The following NT5C3B variants were observed in gnomAD, a reference collection of about 807,000 sequenced individuals.
The protein encoded by NT5C3B is 7-methylguanosine phosphate-specific 5'-nucleotidase.
In NT5C3B, 28 loss-of-function variants were observed where a neutral mutation model predicts 32.5. That is an observed-to-expected ratio of 0.86 (90% confidence interval 0.64 to 1.18). The LOEUF (loss-of-function observed/expected upper bound fraction) is 1.18. Ranked by LOEUF, NT5C3B falls within the 50% of genes most tolerant of loss-of-function variation. The pLI, the probability that NT5C3B is intolerant of heterozygous loss-of-function variation, is 0.00. For missense variants in NT5C3B, 317 were observed against 322.0 expected, an observed-to-expected ratio of 0.98 and a Z score of 0.12; for synonymous variants, 138 against 118.0, an observed-to-expected ratio of 1.17 and a Z score of -1.10.
chr17:41,827,395 T>C (rs1567859872), intron 8 of NT5C3B, 31 bp downstream of exon 8: 2 of 863,562 alleles, frequency 2.3e-6, no homozygotes, highest in Non-Finnish European at 4.0e-6. Context: ...AAGAAAGACA[T>C]GAAGAGAAGC....
At position 41,825,402 on chromosome 17, in the gene NT5C3B, G is replaced by A. The variant is rs1394482373; in HGVS notation, c.*121C>T. On this transcript the variant is annotated 3_prime_UTR_variant, in exon 9 of 9. Transcript: ENST00000435506. ...TGCTCAGGGAAAGGAGGACGGAGGGGCGCGGAAGGACCCAGCCACTGCTGG... is the reference window on the plus strand; with the variant it reads ...TGCTCAGGGAAAGGAGGACGGAGGGACGCGGAAGGACCCAGCCACTGCTGG... 1.6e-5 allele frequency: 11 copies of A among 684,392 alleles called. 1 individual carries two copies. The highest frequency in any genetic ancestry group is 1.4e-4 in the East Asian group (5 of 36,698). 42.4% of individuals were successfully genotyped at this position (684,392 alleles called of 1,614,324 possible).
chr17:41,835,854 G>T lies in NT5C3B; in HGVS notation c.111+5C>A, dbSNP rs1555619855. On this transcript the variant is annotated splice_donor_5th_base_variant and intron_variant, in intron 2 of 8. Transcript: ENST00000435506. ...CCGGCCGGCCCCCGCACGCCCCAGA[G>T]GTACCTGTAACCGGTCTCCGCCGCC... is the stretch of plus-strand genomic sequence containing the variant. 6.2e-7 allele frequency: 1 copy of T among 1,606,270 alleles called. No homozygotes were observed. Among genetic ancestry groups the T allele is most frequent in the African/African-American group, 1.3e-5 (1 of 74,794 alleles).
intron 4 of NT5C3B, among the ~76,000 whole-genome samples, chr17:41,834,571 A>AC (rs1555619513): frequency 6.6e-6 from 1 of 152,078 alleles, no homozygotes; most frequent in Non-Finnish European, 1.5e-5. Flanking sequence ...ACATAGTGAG[A>AC]CCCCATCTCT....
chr17:41,830,289 T>C (rs1423275103), intron 6 of NT5C3B, among the ~76,000 whole-genome samples: 1 of 152,194 alleles, frequency 6.6e-6, no homozygotes, highest in Non-Finnish European at 1.5e-5. Context: ...GGTGGGCGGA[T>C]CACAAGGTCA....
At chr17:41,829,028 T>C in intron 6 of NT5C3B, 76 bp from the exon 7 acceptor site, 1 of 1,403,140 alleles carries the variant, frequency 7.1e-7, no homozygotes, top group East Asian at 2.3e-5. Flanking sequence ...GGTTGTTTTT[T>C]GGGTTTTTTG....
chr17:41,831,980 C>T (rs1337914099), intron 5 of NT5C3B, among the ~76,000 whole-genome samples: 1 of 152,092 alleles, frequency 6.6e-6, no homozygotes, highest in Non-Finnish European at 1.5e-5. Context: ...CTCTTCAGCC[C>T]AGGCAGTTGA....
In NT5C3B at chr17:41,825,651, C is replaced by T; in HGVS notation, c.775G>A (p.Glu259Lys). Residue 259 changes from glutamate (E) to lysine (K), a missense_variant, in exon 9 of 9, where the codon GAG becomes AAG. Glu to Lys is a moderately conservative substitution (Grantham distance 56, BLOSUM62 1). Coordinates refer to ENST00000435506, the MANE Select transcript of NT5C3B (RefSeq NM_052935.5). Reference protein sequence around the residue: ...KIGFLNDKVEERRERYMDSYD... With the variant: ...KIGFLNDKVEKRRERYMDSYD... Reference sequence around the variant, plus strand: ...GAGTCCATGTAGCGCTCCCGCCGCTCCTCCACCTGCCCGGAATGAGAGGCA... The same window carrying T: ...GAGTCCATGTAGCGCTCCCGCCGCTTCTCCACCTGCCCGGAATGAGAGGCA... The T allele has an allele frequency of 1.1e-6, 1 of 872,828 alleles. No homozygotes were observed. The allele number at this position is 872,828 out of a possible 1,614,324, so 54.1% of individuals were successfully genotyped here. A position where few individuals can be genotyped will look rare whatever the true frequency, so the allele number is the denominator to read the frequency against.
intron 4 of NT5C3B, 45 bp from the exon 5 acceptor site, chr17:41,832,522 T>C (rs1555619196): frequency 1.3e-6 from 2 of 1,558,592 alleles, no homozygotes; most frequent in Admixed American, 3.4e-5. Context: ...CCATATCAAG[T>C]TCTTCCCAGC....
At chr17:41,831,211 T>C (rs886084246) in intron 5 of NT5C3B, among the ~76,000 whole-genome samples, 11 of 150,026 alleles carry the variant, frequency 7.3e-5, no homozygotes, top group African/African-American at 2.7e-4. Context: ...CCCAGCTACT[T>C]GGGAGGCTGA....
intron 4 of NT5C3B, 83 bp downstream of exon 4, chr17:41,834,987 T>C: frequency 7.4e-7 from 1 of 1,348,272 alleles, no homozygotes; most frequent in Non-Finnish European, 1.1e-6. Context: ...AAGGTCTCTA[T>C]ACTGGAATCT....
chr17:41,831,319 C>CAAA (rs71155172), intron 5 of NT5C3B, among the ~76,000 whole-genome samples: 40 of 110,104 alleles, frequency 3.6e-4, no homozygotes, highest in East Asian at 8.1e-4. Context: ...GACTCCATCT[C>CAAA]AAAAAAAAAA....
rs2048127530 is a variant in NT5C3B, at chr17:41,835,255, G to A, written c.129C>T (p.Asp43=). ...GDRLQVISDF[D]MTLSRFAYNG... ...TATATGCAAACCTGCTCAAGGTCAT[G>A]TCAAAATCAGAAATCACCTATAAGG... The change falls in exon 3 of 9, where the codon GAC becomes GAT. Residue 43 remains aspartate (D), a synonymous_variant. Transcript: ENST00000435506. 2 of 1,614,130 alleles carry A rather than the reference G, an allele frequency of 1.2e-6. No homozygotes were observed. The highest frequency in any genetic ancestry group is 8.5e-7 in the Non-Finnish European group (1 of 1,179,982).
chr17:41,833,700 C>CA (rs1287016095), intron 4 of NT5C3B, among the ~76,000 whole-genome samples: 52 of 151,578 alleles, frequency 3.4e-4, no homozygotes, highest in Admixed American at 1.1e-3. Flanking sequence ...ACAGATATGG[C>CA]AAAAAAAATG....
chr17:41,825,188 T>C lies in NT5C3B; in HGVS notation c.*335A>G, dbSNP rs782418637. 1.5e-5 allele frequency: 3 copies of C among 198,162 alleles called. No individual in the cohort carries two copies. The highest frequency in any genetic ancestry group is 3.1e-5 in the Non-Finnish European group (3 of 98,078). The allele number at this position is 198,162 out of a possible 1,614,324, so 12.3% of individuals were successfully genotyped here. ...CCCCTGAATCAGAGCAGCTTTTTTT[T>C]CATTTTAAAAATTTTGATCTGTTTC... On this transcript the variant is annotated 3_prime_UTR_variant, in exon 9 of 9. Transcript: ENST00000435506.
rs1429011657 is a variant in NT5C3B, at chr17:41,825,297, G to A, written c.*226C>T. ...TAGACAATCCCTAGAGCACTGACATGCTGTGGTCCAAGGTTCACCAGGAAC... is the reference window on the plus strand; with the variant it reads ...TAGACAATCCCTAGAGCACTGACATACTGTGGTCCAAGGTTCACCAGGAAC... On this transcript the variant is annotated 3_prime_UTR_variant, in exon 9 of 9. Transcript: ENST00000435506. 3 of 515,042 alleles carry A rather than the reference G, an allele frequency of 5.8e-6. No homozygotes were observed. In the Admixed American group the frequency reaches 9.7e-5, roughly 17 times the overall value. The allele number at this position is 515,042 out of a possible 1,614,324, so 31.9% of individuals were successfully genotyped here.
At chr17:41,828,041 C>T (rs1555618456) in intron 7 of NT5C3B, among the ~76,000 whole-genome samples, 1 of 152,202 alleles carries the variant, frequency 6.6e-6, no homozygotes, top group African/African-American at 2.4e-5. Context: ...ATAAATGCCA[C>T]TCAGGTTACA....
Position 41,825,544 on chromosome 17 carries a change from C to G in NT5C3B, c.882G>C (p.Gln294His), listed in dbSNP as rs2047946279. ...LLQHILCQGV[Q>H]LEMQGP The stretch of plus-strand genomic sequence containing the variant: ...GCCTTCAGGGGCCTTGCATCTCCAG[C>G]TGGACCCCCTGGCACAGGATGTGCT... The change falls in exon 9 of 9, where the codon CAG becomes CAC. Residue 294 changes from glutamine to histidine, a missense_variant. Coordinates refer to ENST00000435506, the MANE Select transcript of NT5C3B (RefSeq NM_052935.5). The G allele has an allele frequency of 5.7e-6, 5 of 872,672 alleles. No homozygotes were observed. Among genetic ancestry groups the G allele is most frequent in the Non-Finnish European group, 2.0e-6 (1 of 501,652 alleles). The allele number at this position is 872,672 out of a possible 1,614,324, so 54.1% of individuals were successfully genotyped here.
In NT5C3B at chr17:41,832,439, G is replaced by A. The variant is rs138949240; in HGVS notation, c.267C>T (p.Ile89=). The A allele has an allele frequency of 4.3e-5, 70 of 1,613,544 alleles. No homozygotes were observed. Among genetic ancestry groups the A allele is most frequent in the Non-Finnish European group, 5.3e-5 (63 of 1,179,750 alleles). ...TCTCCTTGACGGTCCGGTGTGGGTC[G>A]ATCTCAATTGGGTAATAGTGGTGAA... ...ALLHHYYPIE[I]DPHRTVKEKL... The change falls in exon 5 of 9, where the codon ATC becomes ATT. Residue 89 remains isoleucine (I), a synonymous_variant. Transcript: ENST00000435506.
intron 8 of NT5C3B, 33 bp downstream of exon 8, chr17:41,827,393 C>G: frequency 1.2e-6 from 1 of 861,734 alleles, no homozygotes; most frequent in Middle Eastern, 3.0e-4. Context: ...AGAAGAAAGA[C>G]ATGAAGAGAA....
Sources: gnomAD v4.1 joint callset for allele counts (sites outside exome capture counted in the v4.1 genomes callset) on GRCh38, gnomAD v4.1.1 for gene constraint, MANE v1.5 for transcripts, NCBI Gene and HGNC (gene_info 2026-07-23, HGNC 2026-07-21) for gene names.